Variants in MYPN observed in about 807,000 individuals in gnomAD.
MYPN encodes the protein sarcomeric protein myopalladin, 145 kDa (MYOP).
In MYPN, 63 loss-of-function variants were observed where a neutral mutation model predicts 129.4. That is an observed-to-expected ratio of 0.49 (90% confidence interval 0.40 to 0.60). The LOEUF (loss-of-function observed/expected upper bound fraction) is 0.60, where lower values mean the gene tolerates loss of function less well. Among genes scored for constraint, MYPN ranks in the 20% least tolerant of loss-of-function variants. The probability of loss-of-function intolerance (pLI) is 0.00; values close to 1 mark genes in which losing one functional copy is unlikely to be tolerated. For missense variants in MYPN, 1,596 were observed against 1,635.4 expected, an observed-to-expected ratio of 0.98 and a Z score of 0.42; for synonymous variants, 629 against 600.9, an observed-to-expected ratio of 1.05 and a Z score of -0.68.
intron 12 of MYPN, among the ~76,000 whole-genome samples, chr10:68,185,839 AT>A (rs1342277277): frequency 1.3e-5 from 2 of 152,266 alleles, no homozygotes; most frequent in Non-Finnish European, 2.9e-5. Flanking sequence ...AAGAAAAAAA[AT>A]ATCCTGGTGT....
chr10:68,194,299 C>G (rs2043566307), intron 13 of MYPN, 64 bp from the exon 14 acceptor site: 1 of 1,577,350 alleles, frequency 6.3e-7, no homozygotes, highest in African/African-American at 1.4e-5. Context: ...TCACCCCAGA[C>G]CCTAGTTCAT....
chr10:68,115,206 C>T (rs931558789), intron 1 of MYPN, among the ~76,000 whole-genome samples: 1 of 139,886 alleles, frequency 7.1e-6, no homozygotes. Flanking sequence ...TTGCAGTGAG[C>T]GGAAATTGCA....
intron 5 of MYPN, 47 bp downstream of exon 5, chr10:68,148,514 A>T (rs2134090306): frequency 6.8e-7 from 1 of 1,466,694 alleles, no homozygotes; most frequent in Non-Finnish European, 9.6e-7. Context: ...TGTGACAGAC[A>T]GTCATGGTGA....
intron 17 of MYPN, among the ~76,000 whole-genome samples, chr10:68,200,862 A>T (rs2043698685): frequency 6.6e-6 from 1 of 152,058 alleles, no homozygotes; most frequent in African/African-American, 2.4e-5. Flanking sequence ...CTCACTTTTA[A>T]TTTCTTCTCA....
rs1328442181 is a variant in MYPN at position 68,161,697 on chromosome 10, T to A, written c.1460-32T>A. 5.6e-6 allele frequency: 9 copies of A among 1,594,866 alleles called. No homozygotes were observed. In the African/African-American group the frequency reaches 1.2e-4, roughly 21 times the overall value. On this transcript the variant is annotated intron_variant, in intron 7 of 19. Coordinates refer to ENST00000358913, the MANE Select transcript of MYPN (RefSeq NM_032578.4). ...ACATGTAGTTTCTCAGTAAAATAAA[T>A]GCTCAGAATCTTTTACTTTCTTTTC... is the stretch of plus-strand genomic sequence containing the variant.
chr10:68,175,191 C>T (rs755909652), intron 11 of MYPN, 132 bp from the exon 12 acceptor site: 1 of 986,312 alleles, frequency 1.0e-6, no homozygotes, highest in Admixed American at 2.2e-5. Context: ...CGATTCTCTG[C>T]ACAGGGCTTA....
Position 68,148,406 on chromosome 10 carries a change from C to T in MYPN, c.1184C>T (p.Pro395Leu), listed in dbSNP as rs2042706001. ...SSPPTTSAVI[P>L]PAVPQAQHLV... ...CCTCCCACTACCTCTGCAGTCATTC[C>T]TCCAGCAGTACCCCAAGCCCAGCAT... Residue 395 changes from proline to leucine, a missense_variant, in exon 5 of 20, where the codon CCT becomes CTT. Coordinates refer to ENST00000358913, the MANE Select transcript of MYPN (RefSeq NM_032578.4). 6.2e-7 allele frequency: 1 copy of T among 1,614,090 alleles called. No individual in the cohort carries two copies. The highest frequency in any genetic ancestry group is 8.5e-7 in the Non-Finnish European group (1 of 1,179,962).
At chr10:68,088,667 C>T (rs2041917615) in intron 1 of MYPN, among the ~76,000 whole-genome samples, 1 of 152,122 alleles carries the variant, frequency 6.6e-6, no homozygotes, top group Non-Finnish European at 1.5e-5. Context: ...CCTTCCAGTG[C>T]TATTAACACA....
intron 1 of MYPN, among the ~76,000 whole-genome samples, chr10:68,116,728 G>GTCTA (rs1408285055): frequency 6.6e-6 from 1 of 151,264 alleles, no homozygotes; most frequent in Non-Finnish European, 1.5e-5. Flanking sequence ...AAGAGCGAGA[G>GTCTA]TCTATCTCAA....
At chr10:68,179,060 C>T (rs1271959085) in intron 12 of MYPN, among the ~76,000 whole-genome samples, 1 of 152,026 alleles carries the variant, frequency 6.6e-6, no homozygotes, top group African/African-American at 2.4e-5. Context: ...AAATAAGTAC[C>T]TCCTAATTTT....
At chr10:68,160,241 T>G (rs1393501533) in intron 7 of MYPN, among the ~76,000 whole-genome samples, 1 of 149,758 alleles carries the variant, frequency 6.7e-6, no homozygotes, top group Non-Finnish European at 1.5e-5. Context: ...GGTGAAACCC[T>G]GTTTCCACCA....
intron 13 of MYPN, among the ~76,000 whole-genome samples, chr10:68,191,320 C>A (rs138609875): frequency 1.3e-5 from 2 of 151,480 alleles, no homozygotes; most frequent in Admixed American, 6.6e-5. Context: ...TGGGTTCAAG[C>A]GATTCTCCTG....
At chr10:68,160,131 G>A (rs1050981796) in intron 7 of MYPN, among the ~76,000 whole-genome samples, 2 of 152,020 alleles carry the variant, frequency 1.3e-5, no homozygotes, top group Admixed American at 1.3e-4. Context: ...AGAGATGCCG[G>A]GCACAGTGGC....
intron 10 of MYPN, among the ~76,000 whole-genome samples, chr10:68,169,751 T>C (rs1389659899): frequency 6.6e-6 from 1 of 151,756 alleles, no homozygotes; most frequent in African/African-American, 2.4e-5. Flanking sequence ...TTTTTTTTTT[T>C]TTCTCCAAGA....
rs371172572 is a variant in MYPN, at chr10:68,182,501, T to C, written c.2704-6404T>C. On this transcript the variant is annotated intron_variant, in intron 12 of 19. Coordinates refer to ENST00000358913, the MANE Select transcript of MYPN (RefSeq NM_032578.4). ...ACACACACACACACACACACACATA[T>C]ATATATATGGCATTTTTTTTTTTGA... Among the ~76,000 whole-genome samples, 426 of 117,236 alleles carry C rather than the reference T, an allele frequency of 3.6e-3. 8 individuals are homozygous for C. The highest frequency in any genetic ancestry group is 0.01 in the African/African-American group (303 of 29,666). The allele number at this position is 117,236 out of a possible 152,430, so 76.9% of individuals were successfully genotyped here.
intron 18 of MYPN, among the ~76,000 whole-genome samples, chr10:68,205,418 C>T (rs1026995129): frequency 6.6e-6 from 1 of 151,876 alleles, no homozygotes; most frequent in Non-Finnish European, 1.5e-5. Context: ...GTGGCTCACA[C>T]CCGTAATCCC....
At chr10:68,145,272 C>G (rs559744024) in intron 3 of MYPN, among the ~76,000 whole-genome samples, 4 of 152,214 alleles carry the variant, frequency 2.6e-5, no homozygotes, top group Non-Finnish European at 4.4e-5. Context: ...GATCCACCCC[C>G]CTCGGCCTCC....
rs7079974 is a variant in MYPN, at chr10:68,199,640, G to A, written c.3493+65G>A. 0.47 allele frequency: 702,985 copies of A among 1,506,770 alleles called. 167,513 individuals are homozygous for A. Among genetic ancestry groups the A allele is most frequent in the Non-Finnish European group, 0.49 (534,788 of 1,084,584 alleles). 93.3% of individuals were successfully genotyped at this position (1,506,770 alleles called of 1,614,324 possible). A position where few individuals can be genotyped will look rare whatever the true frequency, so the allele number is the denominator to read the frequency against. ...CAAAGTCATTACCCAAAGAGGCAGA[G>A]CCTCTGCCAGAATTCCTTCATCCTT... On this transcript the variant is annotated intron_variant, in intron 17 of 19. Coordinates refer to ENST00000358913, the MANE Select transcript of MYPN (RefSeq NM_032578.4).
Position 68,174,141 on chromosome 10 carries a change from A to C in MYPN, c.2049A>C (p.Ser683=), listed in dbSNP as rs779383315. The change falls in exon 11 of 20, where the codon TCA becomes TCC. Residue 683 remains serine (S), a synonymous_variant. Coordinates refer to ENST00000358913, the MANE Select transcript of MYPN (RefSeq NM_032578.4). ...ACCAATTGCAAAACCCACCTCCTTC[A>C]TCTCCTAAGGAGTTTCCTTTCAGCA... ...EQHQLQNPPP[S]SPKEFPFSMT... is the part of the protein sequence containing the mutation. 1 of 1,613,884 alleles carries C rather than the reference A, an allele frequency of 6.2e-7. No individual in the cohort carries two copies. The highest frequency in any genetic ancestry group is 2.2e-5 in the East Asian group (1 of 44,868).
Sources: allele counts gnomAD v4.1 joint callset (sites outside exome capture counted in the v4.1 genomes callset), GRCh38; gene constraint gnomAD v4.1.1; transcripts MANE v1.5; gene names NCBI Gene and HGNC (gene_info 2026-07-23, HGNC 2026-07-21).